PRMT3: variants seen among roughly 807,000 people sequenced by gnomAD.
The protein encoded by PRMT3 is protein arginine methyltransferase 3, also known as protein arginine N-methyltransferase 3.
Under a neutral mutation model 71.9 loss-of-function variants are expected in PRMT3, and 62 were observed. That is an observed-to-expected ratio of 0.86 (90% confidence interval 0.70 to 1.07). The LOEUF is 1.07. Among genes scored for constraint, PRMT3 ranks in the 50% least tolerant of loss-of-function variants. The probability of loss-of-function intolerance (pLI) is 0.00; values close to 1 mark genes in which losing one functional copy is unlikely to be tolerated. For synonymous variants in PRMT3, 213 were observed against 220.4 expected (o/e 0.97, Z 0.30); for missense variants, 663 against 643.0 (o/e 1.03, Z -0.34).
chr11:20,442,672 T>A (rs1005211070), intron 10 of PRMT3, among the ~76,000 whole-genome samples: 5 of 152,180 alleles, frequency 3.3e-5, no homozygotes, highest in Admixed American at 1.3e-4. Flanking sequence ...CCTAGACAGG[T>A]ATTTGATTAA....
intron 10 of PRMT3, among the ~76,000 whole-genome samples, chr11:20,433,427 G>C (rs1049865615): frequency 2.6e-5 from 4 of 152,042 alleles, no homozygotes; most frequent in Non-Finnish European, 5.9e-5. Context: ...TGGTGTATCT[G>C]TGACACCATT....
chr11:20,453,783 A>T (rs539808305), intron 11 of PRMT3, among the ~76,000 whole-genome samples: 1 of 152,012 alleles, frequency 6.6e-6, no homozygotes, highest in African/African-American at 2.4e-5. Context: ...AATGGTTGGG[A>T]CCTGCAGTGT....
At chr11:20,463,469 T>C (rs1419799277) in intron 12 of PRMT3, among the ~76,000 whole-genome samples, 3 of 152,120 alleles carry the variant, frequency 2.0e-5, no homozygotes, top group Non-Finnish European at 4.4e-5. Context: ...AGGTTGCTGA[T>C]TTCTCTCTCT....
intron 9 of PRMT3, among the ~76,000 whole-genome samples, chr11:20,417,379 C>T (rs1483936766): frequency 2.6e-5 from 4 of 152,096 alleles, no homozygotes; most frequent in Non-Finnish European, 4.4e-5. Context: ...TCTTCTCCCC[C>T]ATAAGCTATC....
rs1159725213 is a variant in PRMT3, at chr11:20,508,850, G to A, written c.*437G>A. ...TTTTATTATGGACTCCTCTGAGGAGGAGTTTTTAATTGTATTTGCTAGAAA... is the reference window on the plus strand; with the variant it reads ...TTTTATTATGGACTCCTCTGAGGAGAAGTTTTTAATTGTATTTGCTAGAAA... On this transcript the variant is annotated 3_prime_UTR_variant, in exon 16 of 16. Transcript: ENST00000331079. 1.0e-5 allele frequency: 2 copies of A among 192,484 alleles called. No individual in the cohort carries two copies. The highest frequency in any genetic ancestry group is 1.1e-4 in the Admixed American group (2 of 18,820). 11.9% of individuals were successfully genotyped at this position (192,484 alleles called of 1,614,324 possible).
At chr11:20,396,092 T>C in intron 6 of PRMT3, 130 bp downstream of exon 6, 1 of 794,220 alleles carries the variant, frequency 1.3e-6, no homozygotes, top group South Asian at 2.0e-5. Flanking sequence ...CTTCATACTG[T>C]TAAAGATATG....
chr11:20,451,238 G>T (rs933956604), intron 10 of PRMT3, among the ~76,000 whole-genome samples: 1 of 151,970 alleles, frequency 6.6e-6, no homozygotes, highest in Non-Finnish European at 1.5e-5. Context: ...TAGTACACCA[G>T]GATCATGTTT....
chr11:20,480,482 A>G (rs1850904634), intron 13 of PRMT3, among the ~76,000 whole-genome samples: 1 of 152,166 alleles, frequency 6.6e-6, no homozygotes, highest in South Asian at 2.1e-4. Context: ...GGACATGTAG[A>G]TCATAGTGCT....
chr11:20,396,118 C>T (rs1366067889), intron 6 of PRMT3, among the ~76,000 whole-genome samples, 156 bp downstream of exon 6: 1 of 152,162 alleles, frequency 6.6e-6, no homozygotes, highest in East Asian at 1.9e-4. Flanking sequence ...TTTTTGTACA[C>T]TATGGATATA....
intron 9 of PRMT3, among the ~76,000 whole-genome samples, chr11:20,409,045 C>T (rs1358778784): frequency 2.6e-5 from 4 of 152,110 alleles, no homozygotes; most frequent in Middle Eastern, 3.4e-3. Flanking sequence ...TGCAGTGAGC[C>T]GTGATCATGC....
chr11:20,397,387 A>C (rs1362392061), intron 6 of PRMT3, among the ~76,000 whole-genome samples, 190 bp from the exon 7 acceptor site: 4 of 151,748 alleles, frequency 2.6e-5, no homozygotes, highest in Non-Finnish European at 5.9e-5. Context: ...AGGAGTATGT[A>C]TAATTGTTTC....
At chr11:20,461,085 A>G (rs1237359748) in intron 11 of PRMT3, among the ~76,000 whole-genome samples, 5 of 152,154 alleles carry the variant, frequency 3.3e-5, no homozygotes, top group Admixed American at 6.5e-5. Context: ...CCAGTTTACT[A>G]ATTTGGTTTA....
intron 3 of PRMT3, among the ~76,000 whole-genome samples, chr11:20,390,229 G>A (rs755134909): frequency 8.6e-5 from 13 of 151,996 alleles, no homozygotes; most frequent in South Asian, 4.1e-4. Flanking sequence ...TTAATATGGC[G>A]AATCACACAG....
rs771883974 is a variant in PRMT3, at chr11:20,395,790, T to C, written c.401-13T>C. ...TAAGATGGCCTGATAATAATGTCCATTTATTTCTTTAGATGTAGAAGATCT... is the reference window on the plus strand; with the variant it reads ...TAAGATGGCCTGATAATAATGTCCACTTATTTCTTTAGATGTAGAAGATCT... On this transcript the variant is annotated splice_polypyrimidine_tract_variant and intron_variant, in intron 5 of 15. Transcript: ENST00000331079. 6.2e-7 allele frequency: 1 copy of C among 1,605,478 alleles called. No individual in the cohort carries two copies. The highest frequency in any genetic ancestry group is 1.1e-5 in the South Asian group (1 of 89,472).
chr11:20,425,205 G>GA (rs1849521010), intron 9 of PRMT3, among the ~76,000 whole-genome samples: 1 of 151,790 alleles, frequency 6.6e-6, no homozygotes, highest in Non-Finnish European at 1.5e-5. Context: ...AGCAAGCCTA[G>GA]AAAAAATGCT....
intron 10 of PRMT3, among the ~76,000 whole-genome samples, chr11:20,451,494 GTT>G (rs749945910): frequency 2.8e-5 from 4 of 143,240 alleles, no homozygotes; most frequent in African/African-American, 1.0e-4. Flanking sequence ...TTTCTTTTTT[GTT>G]TTTTTTTTTA....
At chr11:20,412,810 T>A (rs577793881) in intron 9 of PRMT3, among the ~76,000 whole-genome samples, 9 of 152,272 alleles carry the variant, frequency 5.9e-5, no homozygotes, top group African/African-American at 1.9e-4. Flanking sequence ...TATTTATACC[T>A]ATTATAAGAG....
At chr11:20,446,604 A>G (rs151220331) in intron 10 of PRMT3, among the ~76,000 whole-genome samples, 1 of 152,236 alleles carries the variant, frequency 6.6e-6, no homozygotes, top group East Asian at 1.9e-4. Context: ...CTCCACTCAT[A>G]CAGTTGTGGG....
chr11:20,469,881 A>T (rs990486556), intron 13 of PRMT3, among the ~76,000 whole-genome samples: 1 of 152,170 alleles, frequency 6.6e-6, no homozygotes, highest in Non-Finnish European at 1.5e-5. Context: ...TTTCACAAAC[A>T]TTCCTTAACA....
Sources: allele counts gnomAD v4.1 joint callset (sites outside exome capture counted in the v4.1 genomes callset), GRCh38; gene constraint gnomAD v4.1.1; transcripts MANE v1.5; gene names NCBI Gene and HGNC (gene_info 2026-07-23, HGNC 2026-07-21).